KTN1: variants seen among roughly 807,000 people sequenced by gnomAD.
The protein encoded by KTN1 is kinectin.
Under a neutral mutation model 222.5 loss-of-function variants are expected in KTN1, and 130 were observed. That is an observed-to-expected ratio of 0.58 (90% CI 0.51 to 0.68). The LOEUF is 0.68. KTN1 is among the 30% of genes least tolerant of loss of function. The pLI, the probability that KTN1 is intolerant of heterozygous loss-of-function variation, is 0.00. For missense variants in KTN1, 1,508 were observed against 1,500.4 expected, an observed-to-expected ratio of 1.01 and a Z score of -0.08; for synonymous variants, 512 against 496.3, an observed-to-expected ratio of 1.03 and a Z score of -0.42.
intron 18 of KTN1, chr14:55,644,216 C>T: frequency 2.6e-6 from 1 of 385,198 alleles, no homozygotes; most frequent in East Asian, 4.2e-5. Context: ...TTGGTATAAT[C>T]TTAATTTCTG....
At chr14:55,590,168 A>G (rs1276651587) in intron 1 of KTN1, among the ~76,000 whole-genome samples, 1 of 152,194 alleles carries the variant, frequency 6.6e-6, no homozygotes, top group Non-Finnish European at 1.5e-5. Context: ...TAAGTTAAGA[A>G]GCAGGGAAGC....
At chr14:55,654,385 G>A (rs184442852) in intron 28 of KTN1, among the ~76,000 whole-genome samples, 54 of 152,176 alleles carry the variant, frequency 3.5e-4, no homozygotes, top group African/African-American at 1.1e-3. Flanking sequence ...TTACTCATTT[G>A]TACAATTATT....
At chr14:55,653,507 A>G (rs2043150015) in intron 27 of KTN1, 52 bp from the exon 28 acceptor site, 4 of 1,438,742 alleles carry the variant, frequency 2.8e-6, no homozygotes, top group Admixed American at 1.8e-5. Context: ...TTTAGCACCT[A>G]CAACATAACA....
At position 55,653,038 on chromosome 14, in the gene KTN1, T is replaced by C. The variant is rs2043103636; in HGVS notation, c.2716T>C (p.Ser906Pro). Residue 906 changes from serine to proline, a missense_variant, in exon 27 of 44, where the codon TCT (serine) becomes CCT (proline). Ser to Pro is a moderately conservative substitution (Grantham distance 74). Transcript: ENST00000395314. ...TAAGGATCTTCAAGAAGAAAATGAA[T>C]CTTTAAAAGCACATGTTCAGGAAGT... ...WLQDLQEENE[S>P]LKAHVQEVAQ... The C allele has an allele frequency of 6.2e-7, 1 of 1,605,102 alleles. No homozygotes were observed.
rs1051323760 is a variant in KTN1, at chr14:55,671,522, T to G, written c.3349-44T>G. On this transcript the variant is annotated intron_variant, in intron 35 of 43. Transcript: ENST00000395314. ...TAAAACAAACTTGAAGCATAAAACT[T>G]TCTGGTAGAATTATGGAGTTTTTCT... The G allele has an allele frequency of 6.9e-6, 10 of 1,448,840 alleles. No individual in the cohort carries two copies. In the African/African-American group the frequency reaches 1.0e-4, roughly 14 times the overall value. 89.7% of individuals were successfully genotyped at this position (1,448,840 alleles called of 1,614,324 possible).
Position 55,640,021 on chromosome 14 carries a change from A to T in KTN1, c.1914+18A>T. Reference sequence around the variant, plus strand: ...AACTTAAGGTATAGTAATTTGTATAAATGGCTGCAATATTTTACAGAACTG... The same window carrying T: ...AACTTAAGGTATAGTAATTTGTATATATGGCTGCAATATTTTACAGAACTG... On this transcript the variant is annotated intron_variant, in intron 14 of 43. Transcript: ENST00000395314. 5 of 1,368,726 alleles carry T rather than the reference A, an allele frequency of 3.7e-6. No homozygotes were observed. Among genetic ancestry groups the T allele is most frequent in the Non-Finnish European group, 5.2e-6 (5 of 961,224 alleles). 84.8% of individuals were successfully genotyped at this position (1,368,726 alleles called of 1,614,324 possible). A position where few individuals can be genotyped will look rare whatever the true frequency, so the allele number is the denominator to read the frequency against.
intron 8 of KTN1, 48 bp downstream of exon 8, chr14:55,633,389 C>A: frequency 9.0e-7 from 1 of 1,105,956 alleles, no homozygotes; most frequent in South Asian, 1.7e-5. Context: ...AGAGTATTTT[C>A]TTGAATCATC....
At position 55,648,814 on chromosome 14, in the gene KTN1, G is replaced by C. The variant is rs117834921; in HGVS notation, c.2311G>C (p.Glu771Gln). 2.5e-6 allele frequency: 4 copies of C among 1,603,906 alleles called. No individual in the cohort carries two copies. The highest frequency in any genetic ancestry group is 3.4e-6 in the Non-Finnish European group (4 of 1,172,228). Residue 771 changes from glutamate (E) to glutamine (Q), a missense_variant, in exon 21 of 44, where the codon GAA (glutamate) becomes CAA (glutamine). Coordinates refer to ENST00000395314, the MANE Select transcript of KTN1 (RefSeq NM_001079521.2). ...KEEELNAIRT[E>Q]NSSLTKEVQD... Reference sequence around the variant, plus strand: ...GTCTTTGAAAAAGGCAATAAGAACAGAAAATTCATCTCTGACAAAAGAAGT... The same window carrying C: ...GTCTTTGAAAAAGGCAATAAGAACACAAAATTCATCTCTGACAAAAGAAGT...
At chr14:55,679,392 TAGTTAGCAAACAGTA>T in intron 42 of KTN1, 158 bp from the exon 43 acceptor site, 2 of 542,742 alleles carry the variant, frequency 3.7e-6, no homozygotes, top group Non-Finnish European at 6.3e-6. Context: ...TTTGCACCAC[TAGTTAGCAAACAGTA>T]TTTCTCTATG....
intron 1 of KTN1, chr14:55,607,397 A>T (rs925296823): frequency 2.6e-5 from 4 of 152,304 alleles, no homozygotes; most frequent in Admixed American, 2.0e-4. Context: ...GCAGGATTTT[A>T]AACCTGGGGC....
At chr14:55,611,298 C>T (rs1277493346) in intron 1 of KTN1, among the ~76,000 whole-genome samples, 9 of 113,786 alleles carry the variant, frequency 7.9e-5, no homozygotes, top group South Asian at 5.2e-4. Flanking sequence ...GGCAGGGTTT[C>T]GCCATGTTGC....
chr14:55,584,802 A>G (rs1383729279), intron 1 of KTN1, among the ~76,000 whole-genome samples: 1 of 152,122 alleles, frequency 6.6e-6, no homozygotes, highest in Non-Finnish European at 1.5e-5. Flanking sequence ...AGTGTCTAGC[A>G]CATAGCAGGT....
At chr14:55,644,538 ATT>A (rs2042105849) in intron 18 of KTN1, 4 of 517,096 alleles carry the variant, frequency 7.7e-6, no homozygotes, top group Non-Finnish European at 1.4e-5. Flanking sequence ...ATTTACTAAT[ATT>A]TCATTTACTC....
rs372558696 is a variant in KTN1, at chr14:55,667,155, TA to T, written c.3178-85del. ...TTTAAACTTTTTCTTCCCGTAGAAT[TA>T]TAAAACACTATAGTTTTTTTCTTTT... On this transcript the variant is annotated intron_variant, in intron 33 of 43. Coordinates refer to ENST00000395314, the MANE Select transcript of KTN1 (RefSeq NM_001079521.2). 1.9e-4 allele frequency: 163 copies of T among 846,732 alleles called. No individual in the cohort carries two copies. The African/African-American group carries it at 2.3e-3, about 12-fold the overall frequency. The allele number at this position is 846,732 out of a possible 1,614,324, so 52.5% of individuals were successfully genotyped here. A position where few individuals can be genotyped will look rare whatever the true frequency, so the allele number is the denominator to read the frequency against.
intron 1 of KTN1, among the ~76,000 whole-genome samples, chr14:55,584,192 C>T (rs1566643100): frequency 6.6e-6 from 1 of 152,166 alleles, no homozygotes; most frequent in Admixed American, 6.5e-5. Flanking sequence ...AATCTGGACA[C>T]TTCCACTCTC....
intron 7 of KTN1, among the ~76,000 whole-genome samples, chr14:55,630,666 G>C (rs568043143): frequency 5.3e-5 from 8 of 152,302 alleles, no homozygotes; most frequent in African/African-American, 1.9e-4. Context: ...TTGAGAAGTA[G>C]ATAGAGGCCC....
intron 40 of KTN1, chr14:55,675,182 A>T (rs956681547): frequency 6.6e-5 from 10 of 152,234 alleles, no homozygotes; most frequent in African/African-American, 2.4e-4. Flanking sequence ...GGAGCAGTAT[A>T]GTTCATTTTC....
At chr14:55,658,167 G>T (rs898923269) in intron 29 of KTN1, among the ~76,000 whole-genome samples, 20 of 152,120 alleles carry the variant, frequency 1.3e-4, no homozygotes, top group Middle Eastern at 3.2e-3. Flanking sequence ...GGGGCATCTA[G>T]TGGATGGGTG....
In KTN1 at chr14:55,647,019, GT is replaced by G. The variant is rs768073045; in HGVS notation, c.2207+16del. On this transcript the variant is annotated intron_variant, in intron 19 of 43. Coordinates refer to ENST00000395314, the MANE Select transcript of KTN1 (RefSeq NM_001079521.2). ...CAAATGGAAAAATGGTAAGAGTTTA[GT>G]TTTCTTTTTATATTTTGATGAGTTA... The G allele has an allele frequency of 1.8e-5, 27 of 1,462,804 alleles. No homozygotes were observed. The highest frequency in any genetic ancestry group is 2.4e-5 in the Non-Finnish European group (25 of 1,047,038). The allele number at this position is 1,462,804 out of a possible 1,614,324, so 90.6% of individuals were successfully genotyped here.
Sources: gnomAD v4.1 joint callset for allele counts (sites outside exome capture counted in the v4.1 genomes callset) on GRCh38, gnomAD v4.1.1 for gene constraint, MANE v1.5 for transcripts, NCBI Gene and HGNC (gene_info 2026-07-23, HGNC 2026-07-21) for gene names.